AFF3: variants seen among roughly 807,000 people sequenced by gnomAD.
The protein encoded by AFF3 is AF4/FMR2 family member 3.
A neutral mutation model predicts 129.7 loss-of-function variants in AFF3; 32 were observed. The observed-to-expected ratio is 0.25, with a 90% CI of 0.19 to 0.33. The LOEUF (loss-of-function observed/expected upper bound fraction) is 0.33, where lower values mean the gene tolerates loss of function less well. Among genes scored for constraint, AFF3 ranks in the 10% least tolerant of loss-of-function variants. The probability of loss-of-function intolerance (pLI) is 1.00; values close to 1 mark genes in which losing one functional copy is unlikely to be tolerated. For missense variants in AFF3, 1,373 were observed against 1,592.0 expected (o/e 0.86, Z 2.34); for synonymous variants, 644 against 635.4 (o/e 1.01, Z -0.20).
At chr2:99,984,240 T>C (rs1190424555) in intron 7 of AFF3, among the ~76,000 whole-genome samples, 3 of 152,176 alleles carry the variant, frequency 2.0e-5, no homozygotes, top group East Asian at 1.9e-4. Context: ...GTATCCAAGA[T>C]TGATATGTAG....
rs150292507 is a variant in AFF3 at position 99,559,979 on chromosome 2, C to A, written c.3191+386G>T. 1.6e-3 allele frequency among the ~76,000 whole-genome samples: 251 copies of A among 152,364 alleles called. 1 individual carries two copies. Among genetic ancestry groups the A allele is most frequent in the African/African-American group, 5.7e-3 (238 of 41,590 alleles). ...GCATCATTTTCAAAGTAAGCGGCTG[C>A]GCCGGGTGCGATGGCTCACGCCTGT... On this transcript the variant is annotated intron_variant, in intron 21 of 24. Coordinates refer to ENST00000672756, the MANE Select transcript of AFF3 (RefSeq NM_001386135.1).
intron 7 of AFF3, 80 bp from the exon 8 acceptor site, chr2:99,837,604 TC>T: frequency 7.6e-7 from 1 of 1,320,138 alleles, no homozygotes; most frequent in Non-Finnish European, 1.0e-6. Flanking sequence ...TCCAAATTAG[TC>T]CCCCCCAACA....
intron 7 of AFF3, among the ~76,000 whole-genome samples, chr2:99,904,056 C>T (rs936626809): frequency 6.6e-6 from 1 of 152,142 alleles, no homozygotes; most frequent in African/African-American, 2.4e-5. Flanking sequence ...TTCTTCCTCA[C>T]TTGTTCTGCC....
chr2:99,631,970 A>C (rs1229373288), intron 13 of AFF3, among the ~76,000 whole-genome samples: 2 of 149,318 alleles, frequency 1.3e-5, no homozygotes, highest in African/African-American at 4.9e-5. Context: ...CCCATAAAAA[A>C]TGCATAAGGT....
At chr2:99,765,778 TTATTTAA>T (rs2105296477) in intron 8 of AFF3, among the ~76,000 whole-genome samples, 2 of 152,332 alleles carry the variant, frequency 1.3e-5, no homozygotes, top group South Asian at 4.1e-4. Flanking sequence ...TACTCTTTAA[TTATTTAA>T]TATTTAACTG....
intron 8 of AFF3, among the ~76,000 whole-genome samples, chr2:99,819,486 A>G (rs1211467584): frequency 6.6e-6 from 1 of 152,250 alleles, no homozygotes; most frequent in Non-Finnish European, 1.5e-5. Flanking sequence ...AACAGTCATT[A>G]GTCCCAAAAT....
chr2:99,911,244 C>T lies in AFF3; in HGVS notation c.874-73720G>A, dbSNP rs760290012. On this transcript the variant is annotated intron_variant, in intron 7 of 24. Transcript: ENST00000672756. Reference sequence around the variant, plus strand: ...GTCTTCATGATTTTGCATGATTAGCCGGGCATGGTGGCACATGCCTGTAAT... The same window carrying T: ...GTCTTCATGATTTTGCATGATTAGCTGGGCATGGTGGCACATGCCTGTAAT... Among the ~76,000 whole-genome samples the T allele has an allele frequency of 8.5e-5, 13 of 152,142 alleles. No homozygotes were observed. In the East Asian group the frequency reaches 9.7e-4, roughly 11 times the overall value.
intron 7 of AFF3, among the ~76,000 whole-genome samples, chr2:99,851,627 G>A (rs1690148417): frequency 6.6e-6 from 1 of 152,078 alleles, no homozygotes; most frequent in African/African-American, 2.4e-5. Flanking sequence ...TCTGGCTTTA[G>A]AAAAATCAAA....
intron 2 of AFF3, among the ~76,000 whole-genome samples, chr2:100,125,580 G>C (rs1692149591): frequency 6.6e-6 from 1 of 152,152 alleles, no homozygotes; most frequent in Non-Finnish European, 1.5e-5. Flanking sequence ...AGGGCCAGGG[G>C]CTGTTGCTTT....
At chr2:99,946,326 A>T (rs1558998609) in intron 7 of AFF3, among the ~76,000 whole-genome samples, 1 of 151,584 alleles carries the variant, frequency 6.6e-6, no homozygotes, top group Non-Finnish European at 1.5e-5. Context: ...ATACAAAAAC[A>T]TAAGCTGGGC....
At chr2:99,961,137 C>T (rs78618151) in intron 7 of AFF3, among the ~76,000 whole-genome samples, 2,230 of 152,258 alleles carry the variant, frequency 0.015, 63 homozygotes, top group African/African-American at 0.051. Flanking sequence ...CAGAGTTCTT[C>T]CCATCGCTCT....
chr2:99,938,719 A>T lies in AFF3; in HGVS notation c.873+67913T>A, dbSNP rs200171108. 2.6e-5 allele frequency among the ~76,000 whole-genome samples: 4 copies of T among 152,156 alleles called. No individual in the cohort carries two copies. In the East Asian group the frequency reaches 5.8e-4, roughly 22 times the overall value. On this transcript the variant is annotated intron_variant, in intron 7 of 24. Transcript: ENST00000672756. ...TCAGACAGCCTTTGGATAAGACTGCAACATCAACTCTTCCCTGGGTGTCTA... is the reference window on the plus strand; with the variant it reads ...TCAGACAGCCTTTGGATAAGACTGCTACATCAACTCTTCCCTGGGTGTCTA...
intron 7 of AFF3, among the ~76,000 whole-genome samples, chr2:99,909,193 G>A (rs1180827202): frequency 6.6e-6 from 1 of 151,784 alleles, no homozygotes; most frequent in Non-Finnish European, 1.5e-5. Flanking sequence ...GTAGGGACAC[G>A]GATGAAGCTG....
At chr2:99,744,858 C>T (rs1451966419) in intron 9 of AFF3, among the ~76,000 whole-genome samples, 1 of 152,088 alleles carries the variant, frequency 6.6e-6, no homozygotes, top group Non-Finnish European at 1.5e-5. Flanking sequence ...CAGGTATGTA[C>T]ACTAGTTCGA....
intron 4 of AFF3, among the ~76,000 whole-genome samples, chr2:100,037,364 T>C (rs555688069): frequency 1.9e-3 from 276 of 145,366 alleles, no homozygotes; most frequent in African/African-American, 6.5e-3. Context: ...GGAATACACA[T>C]ATTTTATACA....
rs550763115 is a variant in AFF3, at chr2:99,763,991, T to A, written c.922-11690A>T. On this transcript the variant is annotated intron_variant, in intron 8 of 24. Transcript: ENST00000672756. ...CTGCCCCTGCCTGCGATGAGGTTAATCATCAAAGGATAAAATGGGGGTAAC... is the reference window on the plus strand; with the variant it reads ...CTGCCCCTGCCTGCGATGAGGTTAAACATCAAAGGATAAAATGGGGGTAAC... Among the ~76,000 whole-genome samples, 3 of 152,324 alleles carry A rather than the reference T, an allele frequency of 2.0e-5. No homozygotes were observed. In the South Asian group the frequency reaches 6.2e-4, roughly 32 times the overall value.
At chr2:99,869,988 G>C (rs566086157) in intron 7 of AFF3, among the ~76,000 whole-genome samples, 3 of 152,312 alleles carry the variant, frequency 2.0e-5, no homozygotes, top group Admixed American at 2.0e-4. Flanking sequence ...CCAGGGCTGT[G>C]CACCTGTGTT....
intron 11 of AFF3, among the ~76,000 whole-genome samples, chr2:99,702,416 C>T (rs555723473): frequency 3.3e-5 from 5 of 152,240 alleles, no homozygotes; most frequent in East Asian, 1.9e-4. Context: ...CCCAGCTCAC[C>T]ACAACCTCCG....
intron 7 of AFF3, among the ~76,000 whole-genome samples, chr2:99,906,960 C>T (rs927199971): frequency 3.3e-5 from 5 of 152,030 alleles, no homozygotes; most frequent in Non-Finnish European, 5.9e-5. Flanking sequence ...CTTTTACTGA[C>T]GACTGAAGAG....
Sources: allele counts gnomAD v4.1 joint callset (sites outside exome capture counted in the v4.1 genomes callset), GRCh38; gene constraint gnomAD v4.1.1; transcripts MANE v1.5; gene names NCBI Gene and HGNC (gene_info 2026-07-23, HGNC 2026-07-21).